Variants in PCDH15 observed in about 807,000 individuals in gnomAD.
PCDH15 encodes the protein protocadherin-15.
A neutral mutation model predicts 178.5 loss-of-function variants in PCDH15; 129 were observed. The ratio of observed to expected loss-of-function variants is 0.72; its 90% confidence interval spans 0.63 to 0.84. The LOEUF is 0.84. PCDH15 is among the 40% of genes least tolerant of loss of function. The probability of loss-of-function intolerance (pLI) is 0.00; values close to 1 mark genes in which losing one functional copy is unlikely to be tolerated. For synonymous variants in PCDH15, 800 were observed against 732.0 expected (o/e 1.09, Z -1.50); for missense variants, 2,230 against 2,099.9 (o/e 1.06, Z -1.21).
intron 14 of PCDH15, among the ~76,000 whole-genome samples, chr10:54,146,895 CAT>C (rs1372565712): frequency 2.3e-5 from 1 of 43,656 alleles, no homozygotes; most frequent in Admixed American, 2.5e-4. Context: ...TGTGTGTATA[CAT>C]ATATATATAG....
chr10:54,613,582 G>A (rs2093035175), intron 2 of PCDH15, among the ~76,000 whole-genome samples: 1 of 151,548 alleles, frequency 6.6e-6, no homozygotes, highest in Admixed American at 6.6e-5. Context: ...AAGAAATGTA[G>A]AGTAGGGTCT....
intron 3 of PCDH15, among the ~76,000 whole-genome samples, chr10:54,874,506 G>A (rs1177410477): frequency 2.0e-5 from 3 of 151,978 alleles, no homozygotes; most frequent in Non-Finnish European, 4.4e-5. Flanking sequence ...CGTGGGCAAG[G>A]ACTTCATGTC....
At chr10:54,710,557 C>T (rs2095418426) in intron 1 of PCDH15, among the ~76,000 whole-genome samples, 1 of 151,984 alleles carries the variant, frequency 6.6e-6, no homozygotes, top group African/African-American at 2.4e-5. Flanking sequence ...ATAATGACCA[C>T]AGTCTAGATT....
chr10:54,235,359 G>T lies in PCDH15; in HGVS notation c.985+1464C>A, dbSNP rs577345929. ...TGCTTCACAGGGTAGGTGATCGTTT[G>T]TTGAGAAAAAGAATGCACATAACTT... On this transcript the variant is annotated intron_variant, in intron 9 of 37. Transcript: ENST00000644397. Among the ~76,000 whole-genome samples the T allele has an allele frequency of 5.3e-5, 8 of 152,308 alleles. No individual in the cohort carries two copies. The South Asian group carries it at 1.7e-3, about 32-fold the overall frequency.
Position 54,359,622 on chromosome 10 carries a change from T to G in PCDH15, c.474+9498A>C, listed in dbSNP as rs1411725954. On this transcript the variant is annotated intron_variant, in intron 5 of 37. Transcript: ENST00000644397. ...TTCTATTACATTTAATTTTTATAAA[T>G]ATAATGCACATTGAACCAATTATTT... Among the ~76,000 whole-genome samples the G allele has an allele frequency of 2.0e-5, 3 of 152,104 alleles. No individual in the cohort carries two copies. In the East Asian group the frequency reaches 5.8e-4, roughly 29 times the overall value.
At chr10:54,324,289 T>A (rs945322491) in intron 7 of PCDH15, among the ~76,000 whole-genome samples, 1 of 152,104 alleles carries the variant, frequency 6.6e-6, no homozygotes. Flanking sequence ...AATATTTCTG[T>A]CCATAAAGAT....
chr10:54,810,210 G>A lies in PCDH15; in HGVS notation c.-29+87240C>T, dbSNP rs114572781. Among the ~76,000 whole-genome samples, 1,064 of 152,140 alleles carry A rather than the reference G, an allele frequency of 7.0e-3. 13 individuals carry two copies. The highest frequency in any genetic ancestry group is 0.024 in the African/African-American group (999 of 41,522). ...CCTTGGGGCATCTTATGATAAGTGG[G>A]TCTGTGTGCAATGTTCAGGCATAAT... On this transcript the variant is annotated intron_variant, in intron 3 of 5. Coordinates refer to the PCDH15 transcript ENST00000458638.
intron 2 of PCDH15, among the ~76,000 whole-genome samples, chr10:54,982,745 G>A (rs991945715): frequency 9.9e-5 from 15 of 152,066 alleles, no homozygotes; most frequent in Non-Finnish European, 4.4e-5. Context: ...AGTATTAACT[G>A]CATAAGTTTT....
chr10:53,944,754 G>A (rs1231289565), intron 23 of PCDH15, among the ~76,000 whole-genome samples: 3 of 152,174 alleles, frequency 2.0e-5, no homozygotes, highest in Non-Finnish European at 4.4e-5. Context: ...ATTTTCCAAA[G>A]ATGGCTAAGA....
chr10:53,827,278 G>T, intron 32 of PCDH15, 115 bp downstream of exon 32: 4 of 1,310,764 alleles, frequency 3.1e-6, no homozygotes, highest in Middle Eastern at 2.0e-4. Flanking sequence ...GAAAATAATA[G>T]AATAAAATAA....
At chr10:55,199,327 C>G (rs942054054) in intron 1 of PCDH15, among the ~76,000 whole-genome samples, 5 of 152,190 alleles carry the variant, frequency 3.3e-5, no homozygotes, top group African/African-American at 4.8e-5. Context: ...TGCCCCTGAT[C>G]TAGAGATCTG....
intron 13 of PCDH15, among the ~76,000 whole-genome samples, chr10:54,171,814 A>G: frequency 6.6e-6 from 1 of 151,704 alleles, no homozygotes; most frequent in Non-Finnish European, 1.5e-5. Flanking sequence ...CCAGGCCATC[A>G]CCAATCATTC....
At chr10:54,013,515 C>T (rs1236890433) in intron 20 of PCDH15, among the ~76,000 whole-genome samples, 1 of 152,162 alleles carries the variant, frequency 6.6e-6, no homozygotes, top group East Asian at 1.9e-4. Flanking sequence ...GACATCAAAA[C>T]AATCTGTAAC....
At chr10:53,808,922 T>C (rs945706613) in intron 37 of PCDH15, 1 of 1,570,240 alleles carries the variant, frequency 6.4e-7, no homozygotes, top group East Asian at 2.4e-5. Context: ...TCAGGGTCTG[T>C]ACTTTCTTCC....
At chr10:54,760,641 C>A (rs1457595727) in intron 1 of PCDH15, among the ~76,000 whole-genome samples, 1 of 152,098 alleles carries the variant, frequency 6.6e-6, no homozygotes, top group African/African-American at 2.4e-5. Flanking sequence ...TTACTGAGTT[C>A]AATGATCCAT....
intron 2 of PCDH15, among the ~76,000 whole-genome samples, chr10:54,631,659 A>G (rs1179327001): frequency 6.6e-6 from 1 of 152,166 alleles, no homozygotes; most frequent in African/African-American, 2.4e-5. Context: ...CTGTTTTCAC[A>G]CTGCTATAAA....
chr10:55,599,995 T>A, intron 2 of PCDH15: 2 of 1,394,754 alleles, frequency 1.4e-6, no homozygotes, highest in Non-Finnish European at 1.9e-6. Context: ...GAAGACCCTG[T>A]GGAGCTTGAA....
chr10:54,239,265 T>C (rs1265626818), intron 8 of PCDH15, among the ~76,000 whole-genome samples: 8 of 151,950 alleles, frequency 5.3e-5, no homozygotes, highest in Non-Finnish European at 7.4e-5. Context: ...TTCTATAATA[T>C]ATAGAATTGT....
intron 1 of PCDH15, among the ~76,000 whole-genome samples, chr10:54,717,464 A>G (rs113993436): frequency 6.9e-6 from 1 of 145,312 alleles, no homozygotes. Context: ...ATGAACAGAC[A>G]CTTCCCAAAA....
Sources: allele counts gnomAD v4.1 joint callset (sites outside exome capture counted in the v4.1 genomes callset), GRCh38; gene constraint gnomAD v4.1.1; transcripts MANE v1.5; gene names NCBI Gene and HGNC (gene_info 2026-07-23, HGNC 2026-07-21).